The following VAV2 variants were observed in gnomAD, a reference collection of about 807,000 sequenced individuals.
VAV2 encodes the protein guanine nucleotide exchange factor VAV2.
In VAV2, 67 loss-of-function variants were observed where a neutral mutation model predicts 132.5. The ratio of observed to expected loss-of-function variants is 0.51; its 90% CI spans 0.42 to 0.62. The LOEUF is 0.62. Ranked by LOEUF, VAV2 falls within the 20% of genes least tolerant of loss-of-function variation. The probability of loss-of-function intolerance (pLI) is 0.00; values close to 1 mark genes in which losing one functional copy is unlikely to be tolerated. For synonymous variants in VAV2, 492 were observed against 443.5 expected (o/e 1.11, Z -1.37); for missense variants, 938 against 1,153.6 (o/e 0.81, Z 2.71).
At position 133,842,284 on chromosome 9, in the gene VAV2, C is replaced by T. The variant is rs1443709627; in HGVS notation, c.381-7944G>A. On this transcript the variant is annotated intron_variant, in intron 3 of 29. Transcript: ENST00000371850. Reference sequence around the variant, plus strand: ...GACTCACAGAAGAGAAGGCCCCGCACGGTGACTGCCAAGGACCGTGTTCAC... The same window carrying T: ...GACTCACAGAAGAGAAGGCCCCGCATGGTGACTGCCAAGGACCGTGTTCAC... Among the ~76,000 whole-genome samples, 8 of 152,352 alleles carry T rather than the reference C, an allele frequency of 5.3e-5. No individual in the cohort carries two copies. The East Asian group carries it at 5.8e-4, about 11-fold the overall frequency.
chr9:133,782,806 T>C (rs558929853), intron 19 of VAV2, among the ~76,000 whole-genome samples: 2 of 152,160 alleles, frequency 1.3e-5, no homozygotes, highest in Non-Finnish European at 2.9e-5. Context: ...GGAGGTGACA[T>C]CCTGATGTCT....
chr9:133,843,662 A>G (rs1038174290), intron 3 of VAV2, among the ~76,000 whole-genome samples: 4 of 152,112 alleles, frequency 2.6e-5, no homozygotes, highest in Non-Finnish European at 4.4e-5. Flanking sequence ...TGAAGGAAGG[A>G]GGGGGAAGGT....
chr9:133,901,661 GC>G (rs1218821952), intron 2 of VAV2, among the ~76,000 whole-genome samples: 4 of 152,092 alleles, frequency 2.6e-5, no homozygotes, highest in African/African-American at 9.7e-5. Context: ...GCTCCTGCCG[GC>G]CCGGCCTGGT....
intron 13 of VAV2, 28 bp from the exon 14 acceptor site, chr9:133,789,371 CG>C (rs2131614598): frequency 6.2e-7 from 1 of 1,612,202 alleles, no homozygotes; most frequent in South Asian, 1.1e-5. Flanking sequence ...GGCCGTCAGC[CG>C]GGGCTGGAGC....
At chr9:133,877,304 A>C (rs1838302674) in intron 2 of VAV2, among the ~76,000 whole-genome samples, 1 of 152,098 alleles carries the variant, frequency 6.6e-6, no homozygotes, top group Non-Finnish European at 1.5e-5. Context: ...GCAGCCCACA[A>C]AGCTGGGACC....
At chr9:133,894,306 C>A (rs1262876584) in intron 2 of VAV2, among the ~76,000 whole-genome samples, 1 of 152,206 alleles carries the variant, frequency 6.6e-6, no homozygotes. Flanking sequence ...GCAGCCAGAC[C>A]CAGACCTGGT....
intron 4 of VAV2, among the ~76,000 whole-genome samples, chr9:133,817,925 G>A (rs1835625757): frequency 1.3e-5 from 2 of 152,148 alleles, no homozygotes; most frequent in African/African-American, 4.8e-5. Context: ...ACTACCCAGA[G>A]AGCTGGTGAA....
intron 2 of VAV2, among the ~76,000 whole-genome samples, chr9:133,930,811 G>T (rs1840659635): frequency 6.6e-6 from 1 of 152,200 alleles, no homozygotes; most frequent in Non-Finnish European, 1.5e-5. Context: ...GTGACCGGTG[G>T]TGTGCGTCCA....
intron 29 of VAV2, among the ~76,000 whole-genome samples, chr9:133,766,759 A>ATATATATATATATATAT (rs1833447141): frequency 2.7e-5 from 3 of 112,110 alleles, no homozygotes; most frequent in African/African-American, 3.6e-5. Flanking sequence ...AGTATAAATA[A>ATATATATATATATATAT]ATATATATAT....
chr9:133,766,219 C>A (rs1833425551), intron 29 of VAV2, among the ~76,000 whole-genome samples: 1 of 152,178 alleles, frequency 6.6e-6, no homozygotes, highest in Non-Finnish European at 1.5e-5. Context: ...ATTTCTAGTT[C>A]TAGATCCCTG....
At position 133,785,762 on chromosome 9, in the gene VAV2, G is replaced by T. The variant is rs200736752; in HGVS notation, c.1532+14C>A. The T allele has an allele frequency of 3.7e-6, 6 of 1,612,382 alleles. No individual in the cohort carries two copies. The highest frequency in any genetic ancestry group is 5.1e-6 in the Non-Finnish European group (6 of 1,179,034). On this transcript the variant is annotated intron_variant, in intron 17 of 29. Coordinates refer to ENST00000371850, the MANE Select transcript of VAV2 (RefSeq NM_001134398.2). Reference sequence around the variant, plus strand: ...ATCTGCCAGGGACCTGGGGGCTGCCGCCCTGGAACTCACATGGCCATCTCA... The same window carrying T: ...ATCTGCCAGGGACCTGGGGGCTGCCTCCCTGGAACTCACATGGCCATCTCA...
At chr9:133,791,598 G>A (rs1489044219) in intron 13 of VAV2, among the ~76,000 whole-genome samples, 185 bp downstream of exon 13, 1 of 151,462 alleles carries the variant, frequency 6.6e-6, no homozygotes, top group Admixed American at 6.6e-5. Flanking sequence ...GTTGGCTGTC[G>A]TGGGCAAGGA....
chr9:133,940,834 T>C (rs1021902879), intron 1 of VAV2, among the ~76,000 whole-genome samples: 5 of 151,782 alleles, frequency 3.3e-5, no homozygotes, highest in African/African-American at 7.3e-5. Context: ...ACCAGGAAAT[T>C]AACATGGACA....
intron 2 of VAV2, among the ~76,000 whole-genome samples, chr9:133,864,444 G>C (rs1415599473): frequency 6.6e-6 from 1 of 152,206 alleles, no homozygotes; most frequent in African/African-American, 2.4e-5. Flanking sequence ...GAGCTCAGAG[G>C]ACAGGCTGTG....
chr9:133,943,752 G>GC (rs1841258781), intron 1 of VAV2, among the ~76,000 whole-genome samples: 1 of 152,238 alleles, frequency 6.6e-6, no homozygotes, highest in Admixed American at 6.5e-5. Flanking sequence ...CCGCCCCTGG[G>GC]CCCCAAGAAT....
At chr9:133,860,798 T>A (rs754895722) in intron 3 of VAV2, among the ~76,000 whole-genome samples, 6 of 152,190 alleles carry the variant, frequency 3.9e-5, no homozygotes, top group Non-Finnish European at 8.8e-5. Context: ...TCTGGGGCTG[T>A]TCTCTCCTCT....
intron 2 of VAV2, among the ~76,000 whole-genome samples, chr9:133,915,476 G>A (rs555156964): frequency 1.3e-5 from 2 of 152,336 alleles, no homozygotes; most frequent in Admixed American, 6.5e-5. Flanking sequence ...TGCCGGACAA[G>A]GGGCTGTGCC....
At position 133,826,539 on chromosome 9, in the gene VAV2, C is replaced by G. The variant is rs1009558927; in HGVS notation, c.449+7733G>C. Among the ~76,000 whole-genome samples the G allele has an allele frequency of 2.0e-5, 3 of 152,150 alleles. No individual in the cohort carries two copies. The highest frequency in any genetic ancestry group is 4.4e-5 in the Non-Finnish European group (3 of 68,022). ...ACAGCAGCCTGTGAGGTTGCAGGAC[C>G]CTGCTCTGCAGACAAGGATGCTCCT... On this transcript the variant is annotated intron_variant, in intron 4 of 29. Transcript: ENST00000371850. The surrounding 1 kb of genome is among the most constrained non-coding windows in gnomAD (Gnocchi z 4.2).
chr9:133,953,360 A>G (rs1201666722), intron 1 of VAV2, among the ~76,000 whole-genome samples: 1 of 152,240 alleles, frequency 6.6e-6, no homozygotes, highest in African/African-American at 2.4e-5. Flanking sequence ...TGGGCACACA[A>G]TGGAATGAAT....
Sources: gnomAD v4.1 joint callset for allele counts (sites outside exome capture counted in the v4.1 genomes callset) on GRCh38, gnomAD v4.1.1 for gene constraint, Gnocchi (gnomAD v3.1) non-coding constraint, MANE v1.5 for transcripts, NCBI Gene and HGNC (gene_info 2026-07-23, HGNC 2026-07-21) for gene names.